The following SUPT3H variants were observed in gnomAD, a reference collection of about 807,000 sequenced individuals.
The protein encoded by SUPT3H is SPT3 homolog, SAGA and STAGA complex component.
Under a neutral mutation model 44.3 loss-of-function variants are expected in SUPT3H, and 44 were observed. The ratio of observed to expected loss-of-function variants is 0.99; its 90% CI spans 0.78 to 1.28. The LOEUF (loss-of-function observed/expected upper bound fraction) is 1.28, where lower values mean the gene tolerates loss of function less well. Among genes scored for constraint, SUPT3H ranks in the 50% most tolerant of loss-of-function variants. The pLI is 0.00. For synonymous variants in SUPT3H, 124 were observed against 125.6 expected (o/e 0.99, Z 0.09); for missense variants, 380 against 387.1 (o/e 0.98, Z 0.15).
intron 2 of SUPT3H, among the ~76,000 whole-genome samples, chr6:45,337,871 TA>T (rs1484218485): frequency 6.6e-6 from 1 of 152,024 alleles, no homozygotes; most frequent in Non-Finnish European, 1.5e-5. Flanking sequence ...AATAAGATTT[TA>T]TTTTTTTAGA....
chr6:44,946,937 ACTGTTGTC>A (rs1773443672), intron 9 of SUPT3H, among the ~76,000 whole-genome samples: 2 of 152,284 alleles, frequency 1.3e-5, no homozygotes, highest in East Asian at 3.9e-4. Context: ...CAAACTTCAC[ACTGTTGTC>A]CTATCTTAAG....
chr6:44,830,361 C>G (rs1768426124), intron 10 of SUPT3H, among the ~76,000 whole-genome samples: 2 of 152,046 alleles, frequency 1.3e-5, no homozygotes, highest in Non-Finnish European at 2.9e-5. Context: ...CAAAGGAGTT[C>G]TGTATAGTTC....
chr6:45,000,771 C>A (rs1781911413), intron 6 of SUPT3H, among the ~76,000 whole-genome samples: 1 of 151,978 alleles, frequency 6.6e-6, no homozygotes, highest in Non-Finnish European at 1.5e-5. Flanking sequence ...GATAAAAAGT[C>A]ACTAGGGATT....
At chr6:45,187,269 G>T (rs1404133372) in intron 2 of SUPT3H, among the ~76,000 whole-genome samples, 2 of 151,976 alleles carry the variant, frequency 1.3e-5, no homozygotes, top group East Asian at 1.9e-4. Flanking sequence ...AGAAAAATTA[G>T]CTGGACCAGG....
intron 2 of SUPT3H, among the ~76,000 whole-genome samples, chr6:45,224,251 T>C (rs6917352): frequency 0.87 from 132,534 of 151,748 alleles, 58,067 homozygotes; most frequent in African/African-American, 0.91. Context: ...TTCTCATTAC[T>C]CATATGTAAG....
chr6:45,295,217 A>G (rs1780949986), intron 2 of SUPT3H, among the ~76,000 whole-genome samples: 1 of 152,140 alleles, frequency 6.6e-6, no homozygotes, highest in Non-Finnish European at 1.5e-5. Context: ...GATCTTTGAA[A>G]AAAACAAACA....
chr6:44,862,397 C>T (rs1049821105), intron 10 of SUPT3H, among the ~76,000 whole-genome samples: 24 of 152,072 alleles, frequency 1.6e-4, no homozygotes, highest in Middle Eastern at 3.4e-3. Context: ...TGATACAGGG[C>T]CAGGCGCAGT....
intron 2 of SUPT3H, among the ~76,000 whole-genome samples, chr6:45,349,171 G>A (rs1332537094): frequency 6.6e-6 from 1 of 152,036 alleles, no homozygotes; most frequent in African/African-American, 2.4e-5. Context: ...ACACTAGAGG[G>A]GGAAAAAAGA....
chr6:45,278,963 T>A (rs1334976162), intron 2 of SUPT3H, among the ~76,000 whole-genome samples: 3 of 151,996 alleles, frequency 2.0e-5, no homozygotes, highest in Non-Finnish European at 4.4e-5. Context: ...AACTAGCATA[T>A]TTCAAAAAAA....
chr6:45,324,584 T>G, intron 2 of SUPT3H, among the ~76,000 whole-genome samples: 1 of 150,258 alleles, frequency 6.7e-6, no homozygotes. Flanking sequence ...AGAGGAGGAA[T>G]GGGGGAGACA....
intron 5 of SUPT3H, among the ~76,000 whole-genome samples, chr6:45,006,777 G>T (rs961361356): frequency 8.5e-5 from 13 of 152,070 alleles, no homozygotes; most frequent in Non-Finnish European, 1.6e-4. Flanking sequence ...CGATGAAAAG[G>T]GGTATTATTT....
chr6:45,072,214 A>G (rs1794480634), intron 3 of SUPT3H, among the ~76,000 whole-genome samples: 1 of 152,222 alleles, frequency 6.6e-6, no homozygotes, highest in Non-Finnish European at 1.5e-5. Context: ...ATGCTTTTAA[A>G]GAAATTAGGC....
At chr6:44,985,924 T>G (rs1252668924) in intron 6 of SUPT3H, among the ~76,000 whole-genome samples, 1 of 152,202 alleles carries the variant, frequency 6.6e-6, no homozygotes, top group Non-Finnish European at 1.5e-5. Flanking sequence ...GCCCTTCATG[T>G]GTTTTTAAAA....
intron 2 of SUPT3H, among the ~76,000 whole-genome samples, chr6:45,177,026 A>C (rs1313960986): frequency 6.6e-6 from 1 of 152,236 alleles, no homozygotes. Context: ...CCTCCTCCAA[A>C]GGAACGCAGT....
intron 2 of SUPT3H, among the ~76,000 whole-genome samples, chr6:45,166,952 A>G (rs142086858): frequency 1.2e-3 from 182 of 152,362 alleles, no homozygotes; most frequent in African/African-American, 4.1e-3. Context: ...CCCACTTTGG[A>G]AAACACTTTG....
chr6:45,289,446 G>A (rs1263487733), intron 2 of SUPT3H, among the ~76,000 whole-genome samples: 1 of 152,052 alleles, frequency 6.6e-6, no homozygotes, highest in Non-Finnish European at 1.5e-5. Context: ...ATAAAATATT[G>A]AGGAAGTGGA....
intron 2 of SUPT3H, among the ~76,000 whole-genome samples, chr6:45,307,750 C>T (rs540361034): frequency 2.6e-5 from 4 of 152,292 alleles, no homozygotes; most frequent in East Asian, 3.9e-4. Flanking sequence ...TCACAAGAAA[C>T]GGAACAAAGC....
chr6:45,120,482 G>A (rs1483416697), intron 2 of SUPT3H, among the ~76,000 whole-genome samples: 2 of 145,486 alleles, frequency 1.4e-5, no homozygotes, highest in African/African-American at 5.0e-5. Flanking sequence ...GACTGGAGTA[G>A]GATGATGATG....
At chr6:45,340,871 C>T (rs572725582) in intron 2 of SUPT3H, among the ~76,000 whole-genome samples, 108 of 152,028 alleles carry the variant, frequency 7.1e-4, no homozygotes, top group African/African-American at 2.4e-3. Context: ...GGAATCAAAT[C>T]CTACTTCCTA....
Sources: allele counts gnomAD v4.1 joint callset (sites outside exome capture counted in the v4.1 genomes callset), GRCh38; gene constraint gnomAD v4.1.1; transcripts MANE v1.5; gene names NCBI Gene and HGNC (gene_info 2026-07-23, HGNC 2026-07-21).